UNC13C: variants seen among roughly 807,000 people sequenced by gnomAD.
UNC13C encodes the protein unc-13 homolog C, also known as protein unc-13 homolog C.
Under a neutral mutation model 245.4 loss-of-function variants are expected in UNC13C, and 174 were observed. That is an observed-to-expected ratio of 0.71 (90% CI 0.63 to 0.80). The LOEUF is 0.80. UNC13C is among the 30% of genes least tolerant of loss of function. The pLI is 0.00. For missense variants in UNC13C, 2,829 were observed against 2,602.9 expected (o/e 1.09, Z -1.89); for synonymous variants, 992 against 895.1 (o/e 1.11, Z -1.93).
intron 2 of UNC13C, among the ~76,000 whole-genome samples, chr15:54,063,170 A>C (rs1897921988): frequency 6.6e-6 from 1 of 152,222 alleles, no homozygotes; most frequent in African/African-American, 2.4e-5. Context: ...AAAACATTCC[A>C]GAATATGTTA....
intron 30 of UNC13C, among the ~76,000 whole-genome samples, chr15:54,585,818 C>A (rs1221389527): frequency 6.6e-6 from 1 of 152,206 alleles, no homozygotes; most frequent in African/African-American, 2.4e-5. Context: ...TATACAAATT[C>A]TCAAGGTAAA....
chr15:53,992,664 A>C (rs1056157704), intron 1 of UNC13C, among the ~76,000 whole-genome samples: 1 of 152,066 alleles, frequency 6.6e-6, no homozygotes, highest in African/African-American at 2.4e-5. Flanking sequence ...TGAGAATTCA[A>C]CCTTCTCTAG....
chr15:54,074,189 G>C (rs2141103500), intron 2 of UNC13C, among the ~76,000 whole-genome samples: 1 of 152,258 alleles, frequency 6.6e-6, no homozygotes, highest in Admixed American at 6.5e-5. Flanking sequence ...GATGGTTGTA[G>C]TTGTGTGGTA....
chr15:54,468,450 AT>A (rs1892293596), intron 19 of UNC13C, among the ~76,000 whole-genome samples: 1 of 151,560 alleles, frequency 6.6e-6, no homozygotes, highest in South Asian at 2.1e-4. Context: ...GAAGCTTTTT[AT>A]TTTGATTCAT....
chr15:53,917,293 T>A, the UNC13C span, among the ~76,000 whole-genome samples: 1 of 152,170 alleles, frequency 6.6e-6, no homozygotes, highest in Non-Finnish European at 1.5e-5. Context: ...GAAACCTGCA[T>A]CAGGAGTAGC....
the UNC13C span, among the ~76,000 whole-genome samples, chr15:53,969,648 T>G: frequency 1.4e-5 from 2 of 147,320 alleles, no homozygotes; most frequent in Non-Finnish European, 3.0e-5. Context: ...ATTGTGCTAT[T>G]GCACTCCAGC....
In UNC13C at chr15:54,150,336, C is replaced by G. The variant is rs140808024; in HGVS notation, c.3071+6652C>G. Among the ~76,000 whole-genome samples the G allele has an allele frequency of 7.9e-5, 12 of 152,352 alleles. No homozygotes were observed. In the East Asian group the frequency reaches 2.3e-3, roughly 29 times the overall value. Reference sequence around the variant, plus strand: ...GCACAATCATGCCACAAGGCAGTTACAGCTGCTCGAAAGGAGCCTCATGTG... The same window carrying G: ...GCACAATCATGCCACAAGGCAGTTAGAGCTGCTCGAAAGGAGCCTCATGTG... On this transcript the variant is annotated intron_variant, in intron 4 of 32. Transcript: ENST00000260323.
intron 2 of UNC13C, among the ~76,000 whole-genome samples, chr15:54,105,290 G>T (rs572703879): frequency 6.6e-6 from 1 of 152,022 alleles, no homozygotes; most frequent in African/African-American, 2.4e-5. Flanking sequence ...GACATGGGGG[G>T]GTCTCAGCAG....
the UNC13C span, among the ~76,000 whole-genome samples, chr15:53,895,767 G>A: frequency 4.6e-5 from 7 of 152,034 alleles, no homozygotes; most frequent in Non-Finnish European, 1.0e-4. Context: ...GTTTTATAAT[G>A]TCAATTCCAA....
chr15:54,074,788 G>A (rs1301832804), intron 2 of UNC13C, among the ~76,000 whole-genome samples: 3 of 152,034 alleles, frequency 2.0e-5, no homozygotes, highest in Non-Finnish European at 4.4e-5. Flanking sequence ...GAGACAATGG[G>A]GTTTTCTATA....
rs184751413 is a variant in UNC13C, at chr15:54,167,381, A to G, written c.3071+23697A>G. On this transcript the variant is annotated intron_variant, in intron 4 of 32. Transcript: ENST00000260323. ...GCCGGGCGTGATGGTGGGCGCCTGT[A>G]GTCCCAGCTACTCGGGAGGCTGAGG... is the stretch of plus-strand genomic sequence containing the variant. 2.0e-3 allele frequency among the ~76,000 whole-genome samples: 309 copies of G among 151,380 alleles called. 9 individuals carry two copies. The East Asian group carries it at 0.035, about 17-fold the overall frequency.
At chr15:54,410,253 C>T (rs190259892) in intron 18 of UNC13C, among the ~76,000 whole-genome samples, 18 of 152,198 alleles carry the variant, frequency 1.2e-4, no homozygotes, top group Non-Finnish European at 2.2e-4. Flanking sequence ...ACTTAAGTTT[C>T]TTACAGATTC....
the UNC13C span, among the ~76,000 whole-genome samples, chr15:53,959,922 A>C: frequency 6.6e-6 from 1 of 152,178 alleles, no homozygotes. Context: ...TTAGAAAAAG[A>C]ATTATTGTGG....
intron 13 of UNC13C, among the ~76,000 whole-genome samples, chr15:54,303,072 G>A (rs1249764450): frequency 1.3e-5 from 2 of 152,000 alleles, no homozygotes; most frequent in Non-Finnish European, 2.9e-5. Context: ...GAGATCACTC[G>A]ATTGAACCTC....
chr15:53,934,337 C>T, the UNC13C span, among the ~76,000 whole-genome samples: 40 of 152,294 alleles, frequency 2.6e-4, 1 homozygote, highest in South Asian at 8.3e-4. Context: ...TTCCTTGTAC[C>T]TATAATTGTC....
At chr15:54,127,698 AGT>A (rs752697319) in intron 2 of UNC13C, among the ~76,000 whole-genome samples, 3,538 of 147,558 alleles carry the variant, frequency 0.024, 148 homozygotes, top group African/African-American at 0.079. Flanking sequence ...CAGAACTTCA[AGT>A]GTGTGTGTGT....
At chr15:54,462,266 T>C (rs556260294) in intron 19 of UNC13C, among the ~76,000 whole-genome samples, 1 of 152,236 alleles carries the variant, frequency 6.6e-6, no homozygotes, top group African/African-American at 2.4e-5. Context: ...TCAGTGGATA[T>C]AAGAGGGAGT....
At chr15:53,849,959 C>T in the UNC13C span, among the ~76,000 whole-genome samples, 21 of 152,102 alleles carry the variant, frequency 1.4e-4, no homozygotes, top group African/African-American at 3.6e-4. Flanking sequence ...AATATTTTCC[C>T]GCAGCGTTAC....
At chr15:53,916,048 A>C in the UNC13C span, among the ~76,000 whole-genome samples, 1 of 152,218 alleles carries the variant, frequency 6.6e-6, no homozygotes, top group Admixed American at 6.5e-5. Context: ...TGTATTTTTG[A>C]AATAAAACTG....
Sources: allele counts gnomAD v4.1 joint callset (sites outside exome capture counted in the v4.1 genomes callset), GRCh38; gene constraint gnomAD v4.1.1; transcripts MANE v1.5; gene names NCBI Gene and HGNC (gene_info 2026-07-23, HGNC 2026-07-21).